Variants in PTPRU observed in about 807,000 individuals in gnomAD.
PTPRU encodes the protein protein tyrosine phosphatase receptor type U.
A neutral mutation model predicts 166.3 loss-of-function variants in PTPRU; 69 were observed. The ratio of observed to expected loss-of-function variants is 0.41; its 90% confidence interval spans 0.34 to 0.51. PTPRU has a LOEUF of 0.51. PTPRU is among the 20% of genes least tolerant of loss of function. The pLI is 0.09. For synonymous variants in PTPRU, 793 were observed against 814.0 expected (o/e 0.97, Z 0.44); for missense variants, 1,657 against 2,013.7 (o/e 0.82, Z 3.39).
chr1:29,253,029 G>A (rs1684625031), intron 1 of PTPRU, among the ~76,000 whole-genome samples: 1 of 152,190 alleles, frequency 6.6e-6, no homozygotes, highest in Admixed American at 6.5e-5. Flanking sequence ...GGGTTCCCAC[G>A]ACCCCCTCTT....
At chr1:29,310,475 C>A (rs1687599759) in intron 18 of PTPRU, among the ~76,000 whole-genome samples, 1 of 152,118 alleles carries the variant, frequency 6.6e-6, no homozygotes, top group South Asian at 2.1e-4. Context: ...GGGGGTCCCT[C>A]TAGGCACATA....
rs1685461689 is a variant in PTPRU at position 29,269,386 on chromosome 1, C to T, written c.1145-6062C>T. Among the ~76,000 whole-genome samples, 3 of 149,932 alleles carry T rather than the reference C, an allele frequency of 2.0e-5. No homozygotes were observed. The South Asian group carries it at 6.4e-4, about 32-fold the overall frequency. On this transcript the variant is annotated intron_variant, in intron 7 of 29. Coordinates refer to ENST00000373779, the MANE Select transcript of PTPRU (RefSeq NM_133178.4). ...CTGGGATTACAGACAGGAGCCAGTGCATCCAGCCTAATCCAGTGTTTTTAA... is the reference window on the plus strand; with the variant it reads ...CTGGGATTACAGACAGGAGCCAGTGTATCCAGCCTAATCCAGTGTTTTTAA...
At chr1:29,240,767 C>T (rs1179830020) in intron 1 of PTPRU, among the ~76,000 whole-genome samples, 2 of 151,732 alleles carry the variant, frequency 1.3e-5, no homozygotes, top group Non-Finnish European at 2.9e-5. Context: ...TGAGTCTCAA[C>T]GGTCTGTGTG....
chr1:29,321,087 G>A (rs756727243), intron 26 of PTPRU, among the ~76,000 whole-genome samples: 22 of 152,068 alleles, frequency 1.4e-4, no homozygotes, highest in East Asian at 3.9e-4. Flanking sequence ...GCAGTGGCGC[G>A]ATCACAGCTC....
intron 1 of PTPRU, among the ~76,000 whole-genome samples, chr1:29,248,033 C>G (rs1470229066): frequency 2.0e-5 from 3 of 152,180 alleles, no homozygotes. Flanking sequence ...CTCTGGGAGC[C>G]TCAGCTTAGG....
At position 29,259,294 on chromosome 1, in the gene PTPRU, A is replaced by G. The variant is rs1212481491; in HGVS notation, c.511A>G (p.Arg171Gly). ...TGAGGCCCTCATCTCCCCAGACCGC[A>G]GGGGCTACATGGGCCTAGATGACAT... The part of the protein sequence containing the change: ...LFEALISPDR[R>G]GYMGLDDILL... The change falls in exon 4 of 30, where the codon AGG (arginine) becomes GGG (glycine). Residue 171 changes from arginine to glycine, a missense_variant. Arg to Gly is a moderately radical substitution (Grantham distance 125). Around this residue, in one of 3 missense-constraint regions of PTPRU, gnomAD observed 453 missense variants for 496.9 expected, o/e 0.91. Transcript: ENST00000373779. 1 of 1,614,028 alleles carries G rather than the reference A, an allele frequency of 6.2e-7. No individual in the cohort carries two copies. Among genetic ancestry groups the G allele is most frequent in the Non-Finnish European group, 8.5e-7 (1 of 1,179,942 alleles).
chr1:29,259,109 C>A, intron 3 of PTPRU, 152 bp from the exon 4 acceptor site: 1 of 907,872 alleles, frequency 1.1e-6, no homozygotes, highest in Non-Finnish European at 1.7e-6. Flanking sequence ...ACCCCACCCC[C>A]AACTAGCTGG....
At position 29,317,168 on chromosome 1, in the gene PTPRU, T is replaced by C. The variant is rs1687935828; in HGVS notation, c.3514-580T>C. Among the ~76,000 whole-genome samples, 1 of 152,018 alleles carries C rather than the reference T, an allele frequency of 6.6e-6. No homozygotes were observed. Among genetic ancestry groups the C allele is most frequent in the Admixed American group, 6.6e-5 (1 of 15,260 alleles). On this transcript the variant is annotated intron_variant, in intron 24 of 29. Transcript: ENST00000373779. This position sits in a 1 kb window ranked among gnomAD's most constrained non-coding sequence, Gnocchi z 5.6. Reference sequence around the variant, plus strand: ...CTGAGAGCCCCTGGGTCTGGATGCGTGAGGTGTGAAGGCATGCGGGCGGAG... The same window carrying C: ...CTGAGAGCCCCTGGGTCTGGATGCGCGAGGTGTGAAGGCATGCGGGCGGAG...
At chr1:29,292,820 T>G (rs1686702640) in intron 15 of PTPRU, among the ~76,000 whole-genome samples, 1 of 151,186 alleles carries the variant, frequency 6.6e-6, no homozygotes, top group Non-Finnish European at 1.5e-5. Context: ...GTTGTGTTTT[T>G]TTTTTTTTTT....
At chr1:29,296,621 A>G (rs1686893472) in intron 15 of PTPRU, among the ~76,000 whole-genome samples, 2 of 147,650 alleles carry the variant, frequency 1.4e-5, no homozygotes, top group Non-Finnish European at 3.0e-5. Context: ...TGATCCTCCT[A>G]CCTCAGCCTC....
intron 15 of PTPRU, among the ~76,000 whole-genome samples, chr1:29,300,481 A>C (rs1687088821): frequency 6.6e-6 from 1 of 152,184 alleles, no homozygotes; most frequent in Non-Finnish European, 1.5e-5. Flanking sequence ...TCTTCTTTTT[A>C]ATGGGACACC....
chr1:29,323,685 T>A lies in PTPRU; in HGVS notation c.4009T>A (p.Tyr1337Asn). The change falls in exon 28 of 30, where the codon TAC becomes AAC. Residue 1337 changes from tyrosine to asparagine, a missense_variant. Coordinates refer to ENST00000373779, the MANE Select transcript of PTPRU (RefSeq NM_133178.4). ...CTTCCAGTTCCTGCGCTGGTCTGCATACCGGGACACACCTGACTCCAAGAA... is the reference window on the plus strand; with the variant it reads ...CTTCCAGTTCCTGCGCTGGTCTGCAAACCGGGACACACCTGACTCCAAGAA... The part of the protein sequence containing the change: ...RHFQFLRWSA[Y>N]RDTPDSKKAF... 1.2e-6 allele frequency: 2 copies of A among 1,614,156 alleles called. No homozygotes were observed. Among genetic ancestry groups the A allele is most frequent in the Non-Finnish European group, 1.7e-6 (2 of 1,179,994 alleles).
chr1:29,279,188 T>G lies in PTPRU; in HGVS notation c.1563+67T>G. ...GGTGAGAGGTGGCCCTCTTTCTCTC[T>G]GCTGCTACAGTAGGAGGTGCATGGG... On this transcript the variant is annotated intron_variant, in intron 9 of 29. Transcript: ENST00000373779. This position sits in a 1 kb window ranked among gnomAD's most constrained non-coding sequence, Gnocchi z 5.2. 1 of 1,336,720 alleles carries G rather than the reference T, an allele frequency of 7.5e-7. No homozygotes were observed. The highest frequency in any genetic ancestry group is 2.0e-5 in the Admixed American group (1 of 50,176). 82.8% of individuals were successfully genotyped at this position (1,336,720 alleles called of 1,614,324 possible).
rs767679910 is a variant in PTPRU at position 29,311,021 on chromosome 1, C to T, written c.2857+241C>T. Among the ~76,000 whole-genome samples the T allele has an allele frequency of 5.3e-5, 8 of 152,322 alleles. No homozygotes were observed. The highest frequency in any genetic ancestry group is 4.1e-4 in the South Asian group (2 of 4,828). On this transcript the variant is annotated intron_variant, in intron 19 of 29. Transcript: ENST00000373779. This position sits in a 1 kb window ranked among gnomAD's most constrained non-coding sequence, Gnocchi z 4.1. ...TGTCTCCCTGATGTGCTCAGTCCAT[C>T]TGTTGCTCCTGGTCTACCTGCCTGT...
chr1:29,280,974 A>C lies in PTPRU; in HGVS notation c.1868+833A>C, dbSNP rs1308879706. Among the ~76,000 whole-genome samples the C allele has an allele frequency of 6.6e-6, 1 of 152,120 alleles. No individual in the cohort carries two copies. Among genetic ancestry groups the C allele is most frequent in the Non-Finnish European group, 1.5e-5 (1 of 68,024 alleles). ...TTGCCCTCAAGGCCACACAGCTAGT[A>C]AGTGGTGGAGCTGGGATTTGGAAGC... On this transcript the variant is annotated intron_variant, in intron 11 of 29. Transcript: ENST00000373779. The surrounding 1 kb of genome is among the most constrained non-coding windows in gnomAD (Gnocchi z 4.2).
rs997179156 is a variant in PTPRU at position 29,305,587 on chromosome 1, G to A, written c.2820+159G>A. 3.7e-6 allele frequency: 3 copies of A among 815,686 alleles called. No individual in the cohort carries two copies. In the African/African-American group the frequency reaches 5.0e-5, roughly 14 times the overall value. 50.5% of individuals were successfully genotyped at this position (815,686 alleles called of 1,614,324 possible). A position where few individuals can be genotyped will look rare whatever the true frequency, so the allele number is the denominator to read the frequency against. On this transcript the variant is annotated intron_variant, in intron 18 of 29. Transcript: ENST00000373779. The stretch of plus-strand genomic sequence containing the variant: ...TCAGTGCCAGGGAGCTCAGAGGAGG[G>A]AGGACAGTGAGCAGCAGCTTCTGGA...
At chr1:29,284,995 T>G in intron 14 of PTPRU, 126 bp downstream of exon 14, 4 of 1,280,204 alleles carry the variant, frequency 3.1e-6, no homozygotes, top group Non-Finnish European at 4.2e-6. Flanking sequence ...GCTGCCAGCC[T>G]GGGCATCGCC....
At chr1:29,306,807 A>G (rs1428506033) in intron 18 of PTPRU, among the ~76,000 whole-genome samples, 1 of 152,030 alleles carries the variant, frequency 6.6e-6, no homozygotes, top group African/African-American at 2.4e-5. Flanking sequence ...TGTTTCCCAG[A>G]ATCCCTTGCT....
chr1:29,272,539 G>C (rs1052688967), intron 7 of PTPRU, among the ~76,000 whole-genome samples: 1 of 152,218 alleles, frequency 6.6e-6, no homozygotes, highest in African/African-American at 2.4e-5. Context: ...TCCCAAGATA[G>C]GAGCAGCCTG....
Sources: gnomAD v4.1 joint callset for allele counts (sites outside exome capture counted in the v4.1 genomes callset) on GRCh38, gnomAD v4.1.1 for gene constraint, gnomAD v4.1.1 regional missense constraint, Gnocchi (gnomAD v3.1) non-coding constraint, MANE v1.5 for transcripts, NCBI Gene and HGNC (gene_info 2026-07-23, HGNC 2026-07-21) for gene names.